KCNK13: variants seen among roughly 807,000 people sequenced by gnomAD.
The protein encoded by KCNK13 is potassium channel subfamily K member 13.
KCNK13 carries 12 observed loss-of-function variants against 23.4 expected under a neutral mutation model. That is an observed-to-expected ratio of 0.51 (90% CI 0.33 to 0.83). The LOEUF (loss-of-function observed/expected upper bound fraction) is 0.83, where lower values mean the gene tolerates loss of function less well. Among genes scored for constraint, KCNK13 ranks in the 40% least tolerant of loss-of-function variants. KCNK13 has a pLI of 0.02. For missense variants in KCNK13, 463 were observed against 556.3 expected (o/e 0.83, Z 1.69); for synonymous variants, 231 against 229.5 (o/e 1.01, Z -0.06).
intron 1 of KCNK13, among the ~76,000 whole-genome samples, chr14:90,075,938 A>T (rs1201418115): frequency 6.6e-6 from 1 of 152,230 alleles, no homozygotes; most frequent in Non-Finnish European, 1.5e-5. Context: ...AAAATAATGA[A>T]CCTTTGAGAG....
intron 1 of KCNK13, among the ~76,000 whole-genome samples, chr14:90,154,104 C>T (rs11622465): frequency 0.99 from 151,022 of 152,280 alleles, 74,902 homozygotes; most frequent in East Asian, 1. Context: ...GCAGCATGTG[C>T]TCTATTTGGT....
chr14:90,110,199 A>T (rs534835369), intron 1 of KCNK13, among the ~76,000 whole-genome samples: 1 of 152,240 alleles, frequency 6.6e-6, no homozygotes, highest in East Asian at 1.9e-4. Flanking sequence ...GTGCGTGCAG[A>T]TTACCAGCAA....
At chr14:90,133,674 C>A (rs1889901963) in intron 1 of KCNK13, among the ~76,000 whole-genome samples, 1 of 151,726 alleles carries the variant, frequency 6.6e-6, no homozygotes, top group Non-Finnish European at 1.5e-5. Context: ...GGATTTGAAC[C>A]AGGCAAGTTG....
chr14:90,073,126 G>T (rs1044247912), intron 1 of KCNK13, among the ~76,000 whole-genome samples: 5 of 152,256 alleles, frequency 3.3e-5, no homozygotes, highest in Admixed American at 2.0e-4. Flanking sequence ...TCCTCGTTGT[G>T]GGAAGGATCG....
intron 1 of KCNK13, among the ~76,000 whole-genome samples, chr14:90,077,771 T>C (rs1185183150): frequency 6.6e-6 from 1 of 152,228 alleles, no homozygotes; most frequent in Non-Finnish European, 1.5e-5. Context: ...TAGTATCTTA[T>C]TGTGATCTCT....
intron 1 of KCNK13, among the ~76,000 whole-genome samples, chr14:90,181,428 G>A (rs1890484100): frequency 6.6e-6 from 1 of 152,148 alleles, no homozygotes. Context: ...GGAAGGAATG[G>A]ATGAATCACC....
At chr14:90,087,569 A>G (rs937221660) in intron 1 of KCNK13, among the ~76,000 whole-genome samples, 2 of 152,164 alleles carry the variant, frequency 1.3e-5, no homozygotes, top group Non-Finnish European at 2.9e-5. Flanking sequence ...ATGATAGAGC[A>G]TTCATCCACT....
chr14:90,184,010 G>C lies in KCNK13; in HGVS notation c.335-101G>C. The C allele has an allele frequency of 9.6e-7, 1 of 1,046,402 alleles. No individual in the cohort carries two copies. The highest frequency in any genetic ancestry group is 1.4e-6 in the Non-Finnish European group (1 of 707,948). The allele number at this position is 1,046,402 out of a possible 1,614,324, so 64.8% of individuals were successfully genotyped here. A position where few individuals can be genotyped will look rare whatever the true frequency, so the allele number is the denominator to read the frequency against. ...AAAGACTAAGGCTGAGTGATTTTAT[G>C]AAACTCTCTTTAGGTCCTTTGCCAG... On this transcript the variant is annotated intron_variant, in intron 1 of 1. Coordinates refer to ENST00000282146, the MANE Select transcript of KCNK13 (RefSeq NM_022054.4). The surrounding 1 kb of genome is among the most constrained non-coding windows in gnomAD (Gnocchi z 5.6).
At chr14:90,129,547 A>G (rs1889842850) in intron 1 of KCNK13, among the ~76,000 whole-genome samples, 1 of 152,102 alleles carries the variant, frequency 6.6e-6, no homozygotes, top group Non-Finnish European at 1.5e-5. Context: ...ACCACGGTCT[A>G]AGGTCTAGGA....
intron 1 of KCNK13, among the ~76,000 whole-genome samples, chr14:90,117,459 G>A (rs538676677): frequency 1.5e-4 from 23 of 152,112 alleles, no homozygotes; most frequent in East Asian, 1.2e-3. Flanking sequence ...GCGTGGTGGC[G>A]CGCGCCTGTA....
At chr14:90,127,863 G>A (rs182701349) in intron 1 of KCNK13, among the ~76,000 whole-genome samples, 2 of 146,018 alleles carry the variant, frequency 1.4e-5, no homozygotes, top group Admixed American at 1.4e-4. Context: ...TCAAGAGTAT[G>A]TTTCATCTAA....
intron 1 of KCNK13, among the ~76,000 whole-genome samples, chr14:90,174,764 G>T (rs1890404762): frequency 6.6e-6 from 1 of 152,002 alleles, no homozygotes; most frequent in Non-Finnish European, 1.5e-5. Context: ...TGAGGCAAGA[G>T]GATTGTTTGA....
rs530740497 is a variant in KCNK13, at chr14:90,117,915, A to G, written c.334+55376A>G. 1.3e-3 allele frequency among the ~76,000 whole-genome samples: 199 copies of G among 152,332 alleles called. 1 individual carries two copies. The highest frequency in any genetic ancestry group is 4.7e-3 in the African/African-American group (195 of 41,568). On this transcript the variant is annotated intron_variant, in intron 1 of 1. Coordinates refer to ENST00000282146, the MANE Select transcript of KCNK13 (RefSeq NM_022054.4). The stretch of plus-strand genomic sequence containing the variant: ...ATCTATCCTAGACAGTTCTCATTAA[A>G]TGGAATCCTTCAGTATGTGACTTTT...
chr14:90,122,658 T>G (rs957006054), intron 1 of KCNK13, among the ~76,000 whole-genome samples: 4 of 152,034 alleles, frequency 2.6e-5, no homozygotes, highest in Non-Finnish European at 5.9e-5. Context: ...AATTGTTGAG[T>G]TTTGTTTGCG....
chr14:90,106,071 C>G (rs1479934178), intron 1 of KCNK13, among the ~76,000 whole-genome samples: 1 of 152,206 alleles, frequency 6.6e-6, no homozygotes, highest in East Asian at 1.9e-4. Flanking sequence ...TTCCATCTCC[C>G]TGGGTTTCAA....
At chr14:90,083,661 G>A (rs1159653724) in intron 1 of KCNK13, among the ~76,000 whole-genome samples, 1 of 152,202 alleles carries the variant, frequency 6.6e-6, no homozygotes, top group African/African-American at 2.4e-5. Flanking sequence ...ACGATGTGAT[G>A]TATTCCCTCC....
At chr14:90,076,994 T>C (rs1346595831) in intron 1 of KCNK13, among the ~76,000 whole-genome samples, 1 of 151,950 alleles carries the variant, frequency 6.6e-6, no homozygotes, top group East Asian at 1.9e-4. Flanking sequence ...TAATTTTTTG[T>C]ATTTTTAGTA....
At chr14:90,138,912 G>A (rs1029921713) in intron 1 of KCNK13, among the ~76,000 whole-genome samples, 26 of 152,194 alleles carry the variant, frequency 1.7e-4, no homozygotes, top group African/African-American at 6.0e-4. Flanking sequence ...AATGGCCAGG[G>A]GAAGAGTATG....
chr14:90,174,418 TC>T (rs1890399723), intron 1 of KCNK13, among the ~76,000 whole-genome samples: 1 of 152,120 alleles, frequency 6.6e-6, no homozygotes, highest in African/African-American at 2.4e-5. Flanking sequence ...TCCAATCACC[TC>T]CCACCAGGTC....
Sources: allele counts gnomAD v4.1 joint callset (sites outside exome capture counted in the v4.1 genomes callset), GRCh38; gene constraint gnomAD v4.1.1; non-coding constraint Gnocchi (gnomAD v3.1); transcripts MANE v1.5; gene names NCBI Gene and HGNC (gene_info 2026-07-23, HGNC 2026-07-21).